The following IFT80 variants were observed in gnomAD, a reference collection of about 807,000 sequenced individuals.
IFT80 encodes the protein intraflagellar transport protein 80 homolog.
A neutral mutation model predicts 107.9 loss-of-function variants in IFT80; 79 were observed. The ratio of observed to expected loss-of-function variants is 0.73; its 90% CI spans 0.61 to 0.88. The LOEUF is 0.88. Ranked by LOEUF, IFT80 falls within the 40% of genes least tolerant of loss-of-function variation. The pLI is 0.00. For missense variants in IFT80, 797 were observed against 914.2 expected (o/e 0.87, Z 1.65); for synonymous variants, 299 against 300.9 (o/e 0.99, Z 0.07).
Position 160,341,919 on chromosome 3 carries a change from G to A in IFT80, c.777+14094C>T, listed in dbSNP as rs572347267. Among the ~76,000 whole-genome samples the A allele has an allele frequency of 3.9e-5, 6 of 152,186 alleles. No homozygotes were observed. The South Asian group carries it at 1.0e-3, about 26-fold the overall frequency. ...TAACCAATTCTCCTTTTTACTTAATGGTTTCTTCTACTTGCATCAACTAAA... is the reference window on the plus strand; with the variant it reads ...TAACCAATTCTCCTTTTTACTTAATAGTTTCTTCTACTTGCATCAACTAAA... On this transcript the variant is annotated intron_variant, in intron 8 of 19. Coordinates refer to ENST00000326448, the MANE Select transcript of IFT80 (RefSeq NM_020800.3).
At chr3:160,304,435 C>CTTTT (rs869204306) in intron 10 of IFT80, among the ~76,000 whole-genome samples, 2 of 129,158 alleles carry the variant, frequency 1.5e-5, no homozygotes, top group African/African-American at 2.8e-5. Flanking sequence ...TTGATTTTTT[C>CTTTT]TTTTTTTTTT....
At chr3:160,325,570 C>T (rs1197393207) in intron 8 of IFT80, among the ~76,000 whole-genome samples, 1 of 152,048 alleles carries the variant, frequency 6.6e-6, no homozygotes, top group South Asian at 2.1e-4. Context: ...GAAAACACAT[C>T]TCAGGGAATA....
At chr3:160,299,215 C>G (rs1054699651) in intron 12 of IFT80, 2 of 1,128,584 alleles carry the variant, frequency 1.8e-6, no homozygotes, top group Non-Finnish European at 2.2e-6. Flanking sequence ...TTTCCTCTTT[C>G]TTAGCCAAAA....
chr3:160,395,289 A>G (rs1292223715), intron 1 of IFT80, among the ~76,000 whole-genome samples: 1 of 152,344 alleles, frequency 6.6e-6, no homozygotes, highest in East Asian at 1.9e-4. Flanking sequence ...AATAATACCT[A>G]CCTGACAAAT....
chr3:160,285,222 T>A (rs1714998581), intron 13 of IFT80, among the ~76,000 whole-genome samples: 2 of 152,040 alleles, frequency 1.3e-5, no homozygotes, highest in African/African-American at 4.8e-5. Context: ...AATAAATATA[T>A]AATTTTGAGT....
At chr3:160,357,673 T>C (rs2108362729) in intron 6 of IFT80, 95 bp from the exon 7 acceptor site, 1 of 721,110 alleles carries the variant, frequency 1.4e-6, no homozygotes, top group African/African-American at 1.8e-5. Flanking sequence ...TAATGACTCC[T>C]TTGTCATCTT....
At chr3:160,395,551 A>T (rs1713709878) in intron 1 of IFT80, among the ~76,000 whole-genome samples, 1 of 152,194 alleles carries the variant, frequency 6.6e-6, no homozygotes, top group African/African-American at 2.4e-5. Flanking sequence ...AGACTGTTTC[A>T]CAGGTGGCCC....
chr3:160,300,924 C>T lies in IFT80; in HGVS notation c.1274G>A (p.Ser425Asn), dbSNP rs1716377126. Reference protein sequence around the residue: ...DILNAQTVSLSNDTIAIRDKA... With the variant: ...DILNAQTVSLNNDTIAIRDKA... ...GTCTCTTATTGCTATGGTATCATTA[C>T]TCAAAGACACAGTCTGTGCATTCAG... Residue 425 changes from serine to asparagine, a missense_variant, in exon 12 of 20, where the codon AGT (serine) becomes AAT (asparagine). By Grantham distance (46) the Ser-to-Asn change is conservative. Coordinates refer to ENST00000326448, the MANE Select transcript of IFT80 (RefSeq NM_020800.3). The T allele has an allele frequency of 1.9e-6, 3 of 1,610,304 alleles. No individual in the cohort carries two copies. Among genetic ancestry groups the T allele is most frequent in the African/African-American group, 2.7e-5 (2 of 74,818 alleles).
intron 1 of IFT80, among the ~76,000 whole-genome samples, chr3:160,397,477 T>C (rs1025369779): frequency 6.6e-6 from 1 of 152,186 alleles, no homozygotes; most frequent in African/African-American, 2.4e-5. Flanking sequence ...TTCAATGTCA[T>C]AAACACAGCA....
intron 9 of IFT80, among the ~76,000 whole-genome samples, chr3:160,319,553 C>G (rs1282490387): frequency 6.6e-6 from 1 of 151,952 alleles, no homozygotes. Context: ...AAATGCATAA[C>G]TGAAGTAGCT....
At chr3:160,338,623 C>A (rs1185484230) in intron 8 of IFT80, among the ~76,000 whole-genome samples, 2 of 150,684 alleles carry the variant, frequency 1.3e-5, no homozygotes, top group African/African-American at 4.9e-5. Flanking sequence ...CAAAGTGAGA[C>A]CCTGTCTCAA....
intron 12 of IFT80, among the ~76,000 whole-genome samples, chr3:160,292,475 CTTTTTTTTTTTT>C (rs142116230): frequency 6.9e-5 from 8 of 115,362 alleles, no homozygotes; most frequent in Non-Finnish European, 1.2e-4. Context: ...AGAGAGATTC[CTTTTTTTTTTTT>C]TTTTTTTTTT....
At chr3:160,277,202 TAAG>T (rs1192070444) in intron 18 of IFT80, 101 bp downstream of exon 18, 1 of 976,950 alleles carries the variant, frequency 1.0e-6, no homozygotes, top group Non-Finnish European at 1.7e-6. Flanking sequence ...TCTGTGGTGT[TAAG>T]AAACTAAAAT....
At chr3:160,377,639 T>C in intron 3 of IFT80, 99 bp from the exon 4 acceptor site, 1 of 625,764 alleles carries the variant, frequency 1.6e-6, no homozygotes, top group South Asian at 2.0e-5. Flanking sequence ...TAAAGGCAAA[T>C]ATTAACATTA....
chr3:160,265,740 T>C (rs1713263791), intron 19 of IFT80, among the ~76,000 whole-genome samples: 1 of 152,178 alleles, frequency 6.6e-6, no homozygotes, highest in Non-Finnish European at 1.5e-5. Context: ...TATGGTAGAT[T>C]CCATTCATTT....
At chr3:160,287,398 A>G (rs1180042262) in intron 12 of IFT80, among the ~76,000 whole-genome samples, 1 of 152,136 alleles carries the variant, frequency 6.6e-6, no homozygotes, top group East Asian at 1.9e-4. Flanking sequence ...CTTGTGGAAG[A>G]CTGCCCTTAA....
At chr3:160,301,174 T>G in intron 11 of IFT80, 128 bp from the exon 12 acceptor site, 1 of 912,890 alleles carries the variant, frequency 1.1e-6, no homozygotes, top group South Asian at 2.1e-5. Context: ...TGTGTAGATA[T>G]ATAAGGAACA....
At chr3:160,364,999 A>T (rs894614378) in intron 6 of IFT80, among the ~76,000 whole-genome samples, 1 of 133,680 alleles carries the variant, frequency 7.5e-6, no homozygotes, top group Non-Finnish European at 1.6e-5. Context: ...CTTAAAGTAT[A>T]ATTAAAAAAA....
chr3:160,322,952 G>A (rs1348477772), intron 8 of IFT80, among the ~76,000 whole-genome samples: 3 of 151,894 alleles, frequency 2.0e-5, no homozygotes, highest in African/African-American at 7.2e-5. Context: ...TGTCAGATGA[G>A]TAGGTTGCGA....
Sources: allele counts gnomAD v4.1 joint callset (sites outside exome capture counted in the v4.1 genomes callset), GRCh38; gene constraint gnomAD v4.1.1; transcripts MANE v1.5; gene names NCBI Gene and HGNC (gene_info 2026-07-23, HGNC 2026-07-21).